The following SYN3 variants were observed in gnomAD, a reference collection of about 807,000 sequenced individuals.
The protein encoded by SYN3 is synapsin-3.
SYN3 carries 35 observed loss-of-function variants against 65.8 expected under a neutral mutation model. The ratio of observed to expected loss-of-function variants is 0.53; its 90% confidence interval spans 0.41 to 0.70. The LOEUF (loss-of-function observed/expected upper bound fraction) is 0.70. Among genes scored for constraint, SYN3 ranks in the 30% least tolerant of loss-of-function variants. The pLI is 0.00. For synonymous variants in SYN3, 270 were observed against 292.9 expected, an observed-to-expected ratio of 0.92 and a Z score of 0.80; for missense variants, 680 against 749.0, an observed-to-expected ratio of 0.91 and a Z score of 1.08.
chr22:32,723,899 G>A (rs1242725818), intron 6 of SYN3, among the ~76,000 whole-genome samples: 1 of 152,218 alleles, frequency 6.6e-6, no homozygotes, highest in Non-Finnish European at 1.5e-5. Flanking sequence ...ACCTAGCCCT[G>A]GTGCTGCTGA....
chr22:32,668,365 CT>C (rs1159132165), intron 6 of SYN3, among the ~76,000 whole-genome samples: 3 of 150,968 alleles, frequency 2.0e-5, no homozygotes, highest in Non-Finnish European at 4.4e-5. Flanking sequence ...TCCACCCCCC[CT>C]TCCTTCACTC....
At chr22:32,873,635 C>T (rs1390347857) in intron 4 of SYN3, among the ~76,000 whole-genome samples, 2 of 152,118 alleles carry the variant, frequency 1.3e-5, no homozygotes, top group Non-Finnish European at 2.9e-5. Context: ...GACGGAACAC[C>T]TGATGTAAAA....
intron 1 of SYN3, among the ~76,000 whole-genome samples, chr22:33,017,644 G>C (rs1271697001): frequency 6.6e-6 from 1 of 151,888 alleles, no homozygotes; most frequent in African/African-American, 2.4e-5. Flanking sequence ...GAATGAAATT[G>C]ATTTCTTAAG....
chr22:33,004,663 G>A (rs2053153199), intron 2 of SYN3, among the ~76,000 whole-genome samples: 1 of 152,206 alleles, frequency 6.6e-6, no homozygotes, highest in Admixed American at 6.5e-5. Context: ...ACCTCCATTG[G>A]ATCTAGGAAG....
intron 6 of SYN3, among the ~76,000 whole-genome samples, chr22:32,636,414 A>AG (rs1569111571): frequency 1.3e-5 from 2 of 148,440 alleles, no homozygotes; most frequent in African/African-American, 2.4e-5. Flanking sequence ...AAAAAAAAAA[A>AG]AAAAGAAAAG....
At position 32,940,942 on chromosome 22, in the gene SYN3, T is replaced by G. The variant is rs143677646; in HGVS notation, c.370-9461A>C. On this transcript the variant is annotated intron_variant, in intron 3 of 13. Transcript: ENST00000358763. Reference sequence around the variant, plus strand: ...CAAAATACACATGGACACTGGTCAATCATATGACCTCAAAGGCTCTGTCCT... The same window carrying G: ...CAAAATACACATGGACACTGGTCAAGCATATGACCTCAAAGGCTCTGTCCT... Among the ~76,000 whole-genome samples, 553 of 152,270 alleles carry G rather than the reference T, an allele frequency of 3.6e-3. 3 individuals carry two copies. The highest frequency in any genetic ancestry group is 0.013 in the African/African-American group (530 of 41,564).
intron 7 of SYN3, among the ~76,000 whole-genome samples, chr22:32,562,846 T>TG (rs1463984592): frequency 2.0e-5 from 3 of 152,222 alleles, no homozygotes; most frequent in Admixed American, 1.3e-4. Context: ...TTTCTGTTGT[T>TG]GGGGGGCATC....
At chr22:32,843,087 T>A (rs944527322) in intron 6 of SYN3, among the ~76,000 whole-genome samples, 2 of 152,156 alleles carry the variant, frequency 1.3e-5, no homozygotes, top group Non-Finnish European at 2.9e-5. Flanking sequence ...TCCCATTTTT[T>A]TTTTTCCCCC....
intron 4 of SYN3, among the ~76,000 whole-genome samples, chr22:32,883,512 T>C (rs553323560): frequency 1.3e-5 from 2 of 152,182 alleles, no homozygotes; most frequent in Non-Finnish European, 2.9e-5. Context: ...TGGCTGTACA[T>C]TGGAATCACC....
At chr22:32,955,789 C>T (rs1160188809) in intron 3 of SYN3, among the ~76,000 whole-genome samples, 2 of 151,792 alleles carry the variant, frequency 1.3e-5, no homozygotes, top group African/African-American at 4.8e-5. Flanking sequence ...GCAGACTCAC[C>T]CTTAATCTGG....
intron 6 of SYN3, among the ~76,000 whole-genome samples, chr22:32,653,417 A>G (rs771478263): frequency 2.0e-5 from 3 of 152,206 alleles, no homozygotes; most frequent in Non-Finnish European, 4.4e-5. Flanking sequence ...TGTGCTGCCA[A>G]TGAAAAATGA....
At chr22:32,981,123 G>A (rs1471382979) in intron 2 of SYN3, among the ~76,000 whole-genome samples, 1 of 150,924 alleles carries the variant, frequency 6.6e-6, no homozygotes, top group Non-Finnish European at 1.5e-5. Context: ...CCAAAGTGCT[G>A]GGATTACAGG....
In SYN3 at chr22:32,603,548, A is replaced by G. The variant is rs12484745; in HGVS notation, c.712-6812T>C. On this transcript the variant is annotated intron_variant, in intron 6 of 13. Transcript: ENST00000358763. ...GTCTCAAAAAAAAAGAAAAAAAAAA[A>G]AAAGAAAGAAAGAAAACACAGCCCT... 7.8e-4 allele frequency among the ~76,000 whole-genome samples: 118 copies of G among 151,464 alleles called. 1 individual carries two copies. The highest frequency in any genetic ancestry group is 5.4e-3 in the Admixed American group (83 of 15,246).
chr22:32,822,909 A>G (rs1039451022), intron 6 of SYN3, among the ~76,000 whole-genome samples: 1 of 145,934 alleles, frequency 6.9e-6, no homozygotes, highest in Non-Finnish European at 1.5e-5. Context: ...ATTTGTTAAA[A>G]ACAACAACAA....
intron 4 of SYN3, among the ~76,000 whole-genome samples, chr22:32,900,656 C>G (rs1180134929): frequency 6.6e-6 from 1 of 152,194 alleles, no homozygotes; most frequent in Non-Finnish European, 1.5e-5. Context: ...AGGCCAAGAA[C>G]TGTATATACT....
At chr22:32,558,553 A>G (rs536009021) in intron 7 of SYN3, among the ~76,000 whole-genome samples, 4 of 152,306 alleles carry the variant, frequency 2.6e-5, no homozygotes, top group South Asian at 2.1e-4. Context: ...CCCTTTTCCT[A>G]TCTTTTCTCT....
chr22:32,706,483 G>GA (rs1000473404), intron 6 of SYN3, among the ~76,000 whole-genome samples: 2 of 152,144 alleles, frequency 1.3e-5, no homozygotes, highest in South Asian at 2.1e-4. Context: ...GAACAATTAA[G>GA]AAAAAATGAA....
At chr22:32,706,008 A>G (rs1031439169) in intron 6 of SYN3, among the ~76,000 whole-genome samples, 2 of 152,220 alleles carry the variant, frequency 1.3e-5, no homozygotes, top group Non-Finnish European at 2.9e-5. Context: ...AATGGCAAAC[A>G]GGGATAGCTT....
chr22:32,670,640 T>C (rs2060347937), intron 6 of SYN3, among the ~76,000 whole-genome samples: 1 of 152,350 alleles, frequency 6.6e-6, no homozygotes, highest in Admixed American at 6.5e-5. Context: ...TGACTCCCTT[T>C]CTTCACTGTG....
Sources: gnomAD v4.1 joint callset for allele counts (sites outside exome capture counted in the v4.1 genomes callset) on GRCh38, gnomAD v4.1.1 for gene constraint, MANE v1.5 for transcripts, NCBI Gene and HGNC (gene_info 2026-07-23, HGNC 2026-07-21) for gene names.